XKR5: variants seen among roughly 807,000 people sequenced by gnomAD.
The protein encoded by XKR5 is XK-related protein 5.
Under a neutral mutation model 40.8 loss-of-function variants are expected in XKR5, and 46 were observed. The ratio of observed to expected loss-of-function variants is 1.13; its 90% CI spans 0.89 to 1.44. XKR5 has a LOEUF of 1.44. Ranked by LOEUF, XKR5 falls within the 40% of genes most tolerant of loss-of-function variation. The probability of loss-of-function intolerance (pLI) is 0.00; values close to 1 mark genes in which losing one functional copy is unlikely to be tolerated. For synonymous variants in XKR5, 466 were observed against 356.1 expected, an observed-to-expected ratio of 1.31 and a Z score of -3.48; for missense variants, 1,169 against 844.7, an observed-to-expected ratio of 1.38 and a Z score of -4.76.
At chr8:6,835,336 G>A (rs1444403582) in intron 1 of XKR5, 100 bp downstream of exon 1, 9 of 1,223,980 alleles carry the variant, frequency 7.4e-6, no homozygotes, top group Non-Finnish European at 9.5e-6. Context: ...CGCAGGCTGG[G>A]GCAGTGCCCG....
chr8:6,832,692 A>G (rs1015497240), intron 2 of XKR5, 25 bp downstream of exon 2: 2 of 1,611,610 alleles, frequency 1.2e-6, no homozygotes, highest in African/African-American at 2.7e-5. Context: ...TGTGCTCCAG[A>G]GGTGAAAGAG....
chr8:6,834,638 G>T (rs950533284), intron 1 of XKR5, among the ~76,000 whole-genome samples: 6 of 152,156 alleles, frequency 3.9e-5, no homozygotes, highest in African/African-American at 1.4e-4. Flanking sequence ...CGAACTCAGG[G>T]AAAAGTCCCA....
chr8:6,815,665 G>T, intron 6 of XKR5, 142 bp downstream of exon 6: 1 of 611,756 alleles, frequency 1.6e-6, no homozygotes, highest in Admixed American at 2.6e-5. Context: ...GCATGGCTCT[G>T]CCCCCCACAT....
At chr8:6,831,190 G>A (rs560513970) in intron 2 of XKR5, among the ~76,000 whole-genome samples, 105 of 152,296 alleles carry the variant, frequency 6.9e-4, no homozygotes, top group African/African-American at 2.4e-3. Flanking sequence ...GGGCTGGGCC[G>A]ATCAGGGAAG....
At chr8:6,816,257 C>T (rs550164195) in intron 5 of XKR5, among the ~76,000 whole-genome samples, 1 of 152,302 alleles carries the variant, frequency 6.6e-6, no homozygotes, top group South Asian at 2.1e-4. Context: ...CATATTTCTC[C>T]ATCCTCACAC....
intron 5 of XKR5, among the ~76,000 whole-genome samples, chr8:6,818,526 G>T (rs1161851679): frequency 6.6e-6 from 1 of 152,266 alleles, no homozygotes; most frequent in Middle Eastern, 3.2e-3. Flanking sequence ...ACGGGTGAAA[G>T]AAGTGAGACG....
At chr8:6,835,092 C>A (rs1305274788) in intron 1 of XKR5, among the ~76,000 whole-genome samples, 1 of 151,818 alleles carries the variant, frequency 6.6e-6, no homozygotes, top group Non-Finnish European at 1.5e-5. Context: ...GAAGGAAGGG[C>A]GGATACATCT....
At chr8:6,831,797 C>A (rs562004172) in intron 2 of XKR5, among the ~76,000 whole-genome samples, 15 of 152,108 alleles carry the variant, frequency 9.9e-5, no homozygotes, top group African/African-American at 3.6e-4. Flanking sequence ...GGGCGGATCA[C>A]GAGGTCAGGA....
chr8:6,812,924 G>A (rs746745591), intron 6 of XKR5, among the ~76,000 whole-genome samples: 1 of 152,230 alleles, frequency 6.6e-6, no homozygotes, highest in Non-Finnish European at 1.5e-5. Flanking sequence ...TCACATTGTT[G>A]TCAGTTTAAT....
intron 5 of XKR5, among the ~76,000 whole-genome samples, chr8:6,819,373 G>A (rs192899899): frequency 3.3e-5 from 5 of 152,326 alleles, no homozygotes; most frequent in African/African-American, 7.2e-5. Context: ...AGGGAGTGGC[G>A]CCCCAGTCTG....
intron 2 of XKR5, among the ~76,000 whole-genome samples, chr8:6,826,890 G>A (rs1322395507): frequency 6.6e-6 from 1 of 152,198 alleles, no homozygotes; most frequent in Non-Finnish European, 1.5e-5. Flanking sequence ...GTGGCCCAGG[G>A]CCACGGGGAC....
chr8:6,821,578 G>T (rs1475919264), intron 5 of XKR5, among the ~76,000 whole-genome samples: 1 of 152,306 alleles, frequency 6.6e-6, no homozygotes, highest in East Asian at 1.9e-4. Context: ...CAGTTGAACT[G>T]TAATGATATT....
At position 6,812,325 on chromosome 8, in the gene XKR5, C is replaced by G. The variant is rs1234754062; in HGVS notation, c.934G>C (p.Val312Leu). ...SGFLIGSVSL[V>L]IYYSLLHPKS... ...GGATGCAGCAGGCTGTAATAAATTA[C>G]CAGTGAGACACTGCCTGAAAAAGAA... The change falls in exon 7 of 7, where the codon GTA becomes CTA. Residue 312 changes from valine to leucine, a missense_variant. By Grantham distance (32) the Val-to-Leu change is conservative (BLOSUM62 1). Transcript: ENST00000618742. 6.5e-7 allele frequency: 1 copy of G among 1,548,594 alleles called. No individual in the cohort carries two copies. Among genetic ancestry groups the G allele is most frequent in the South Asian group, 1.2e-5 (1 of 83,238 alleles).
intron 5 of XKR5, among the ~76,000 whole-genome samples, chr8:6,816,238 T>C (rs895502046): frequency 1.3e-5 from 2 of 152,184 alleles, no homozygotes; most frequent in Non-Finnish European, 2.9e-5. Context: ...ACTTTTATTT[T>C]CTACTTTGCA....
At chr8:6,829,226 T>C (rs1804652146) in intron 2 of XKR5, 1 of 169,262 alleles carries the variant, frequency 5.9e-6, no homozygotes, top group Admixed American at 6.5e-5. Flanking sequence ...TAAAGAAAAA[T>C]TGCTAAACCA....
chr8:6,821,793 C>CA (rs1491355883), intron 5 of XKR5, 76 bp downstream of exon 5: 87 of 1,289,694 alleles, frequency 6.7e-5, no homozygotes, highest in South Asian at 2.9e-4. Context: ...CACACACACA[C>CA]CCCCCACACA....
intron 2 of XKR5, among the ~76,000 whole-genome samples, chr8:6,825,694 C>G (rs557408016): frequency 1.2e-3 from 187 of 152,154 alleles, no homozygotes; most frequent in South Asian, 0.012. Context: ...GAGTCCCACC[C>G]CGGATCCTCT....
chr8:6,812,648 G>A (rs1382148733), intron 6 of XKR5, among the ~76,000 whole-genome samples: 1 of 152,206 alleles, frequency 6.6e-6, no homozygotes, highest in South Asian at 2.1e-4. Context: ...GTGCATTCAT[G>A]CATGTGTGTG....
At position 6,830,076 on chromosome 8, in the gene XKR5, A is replaced by G. The variant is rs191322755; in HGVS notation, c.242+2641T>C. ...ATGGTCTGGATCTCCTGACCTCGTG[A>G]TCCGCCTGCCTCGGCCTCTCAAAGT... is the stretch of plus-strand genomic sequence containing the variant. On this transcript the variant is annotated intron_variant, in intron 2 of 6. Coordinates refer to ENST00000618742, the MANE Select transcript of XKR5 (RefSeq NM_207411.5). Among the ~76,000 whole-genome samples the G allele has an allele frequency of 1.4e-3, 214 of 152,110 alleles. 1 individual carries two copies. Among genetic ancestry groups the G allele is most frequent in the Middle Eastern group, 3.4e-3 (1 of 294 alleles).
Sources: allele counts gnomAD v4.1 joint callset (sites outside exome capture counted in the v4.1 genomes callset), GRCh38; gene constraint gnomAD v4.1.1; transcripts MANE v1.5; gene names NCBI Gene and HGNC (gene_info 2026-07-23, HGNC 2026-07-21).